The following ZNF3 variants were observed in gnomAD, a reference collection of about 807,000 sequenced individuals.
The protein encoded by ZNF3 is C2-H2 type zinc finger protein.
In ZNF3, 16 loss-of-function variants were observed where a neutral mutation model predicts 36.9. The ratio of observed to expected loss-of-function variants is 0.43; its 90% CI spans 0.29 to 0.66. ZNF3 has a LOEUF of 0.66. Ranked by LOEUF, ZNF3 falls within the 30% of genes least tolerant of loss-of-function variation. ZNF3 has a pLI of 0.13. For missense variants in ZNF3, 462 were observed against 543.1 expected (o/e 0.85, Z 1.48); for synonymous variants, 201 against 201.9 (o/e 1.00, Z 0.04).
At chr7:100,068,660 A>G (rs1231200111), downstream of ZNF3, among the ~76,000 whole-genome samples, 1 of 151,668 alleles carries the variant, frequency 6.6e-6, no homozygotes, top group Non-Finnish European at 1.5e-5. Context: ...ATGGCAATCT[A>G]TAAAGTAATT....
exon 6 of ZNF3, chr7:100,064,710 GAT>G: frequency 6.2e-7 from 1 of 1,608,834 alleles, no homozygotes; most frequent in Non-Finnish European, 8.5e-7. Context: ...CGATTCCGGT[GAT>G]AGAGTTTGTA....
chr7:100,067,736 G>A (rs1312492140), downstream of ZNF3, among the ~76,000 whole-genome samples: 1 of 152,152 alleles, frequency 6.6e-6, no homozygotes, highest in Non-Finnish European at 1.5e-5. Flanking sequence ...AAAAGAGCCA[G>A]GCAACGCTGA....
chr7:100,075,746 C>CT (rs1793998234), intron 3 of ZNF3, 116 bp from the exon 4 acceptor site: 1 of 898,114 alleles, frequency 1.1e-6, no homozygotes. Context: ...AGGACCCTCT[C>CT]TCTCACATTT....
In ZNF3 at chr7:100,075,527, G is replaced by T; in HGVS notation, c.144+15C>A. ...GAAAATGGAAAGGAAAAGGATAAAC[G>T]GAACCACAGCTCACCTGGGACTTGG... On this transcript the variant is annotated intron_variant, in intron 4 of 5. Transcript: ENST00000299667. The T allele has an allele frequency of 6.2e-7, 1 of 1,613,856 alleles. No individual in the cohort carries two copies. The highest frequency in any genetic ancestry group is 8.5e-7 in the Non-Finnish European group (1 of 1,179,820).
At chr7:100,076,454 G>T (rs570753879) in intron 3 of ZNF3, among the ~76,000 whole-genome samples, 1 of 151,790 alleles carries the variant, frequency 6.6e-6, no homozygotes, top group Non-Finnish European at 1.5e-5. Context: ...CACCATGCCC[G>T]GCTAATTTTT....
rs1793047857 is a variant in ZNF3 at position 100,071,045 on chromosome 7, G to A, written c.*98C>T. 8.7e-6 allele frequency: 13 copies of A among 1,498,874 alleles called. No homozygotes were observed. Among genetic ancestry groups the A allele is most frequent in the Non-Finnish European group, 1.2e-5 (13 of 1,126,400 alleles). The allele number at this position is 1,498,874 out of a possible 1,614,324, so 92.8% of individuals were successfully genotyped here. The stretch of plus-strand genomic sequence containing the variant: ...CCCCATTCTCTAAAATGAAAAGTCT[G>A]AGTTGAAAGGGACACATCCTAAGCT... On this transcript the variant is annotated 3_prime_UTR_variant, in exon 6 of 6. Transcript: ENST00000299667.
In ZNF3 at chr7:100,079,661, G is replaced by A. The variant is rs928962258; in HGVS notation, c.-197-5C>T. On this transcript the variant is annotated splice_region_variant and splice_polypyrimidine_tract_variant and intron_variant, in intron 1 of 5. Transcript: ENST00000299667. The stretch of plus-strand genomic sequence containing the variant: ...TGACTTTTGTTGATGCCAATGCTGT[G>A]TGATTAAGGGGAAAAAAAGGAATTT... 2.0e-5 allele frequency: 3 copies of A among 152,244 alleles called. No homozygotes were observed. The highest frequency in any genetic ancestry group is 2.1e-4 in the South Asian group (1 of 4,814). The allele number at this position is 152,244 out of a possible 1,614,324, so 9.4% of individuals were successfully genotyped here. A position where few individuals can be genotyped will look rare whatever the true frequency, so the allele number is the denominator to read the frequency against.
chr7:100,069,918 G>T (rs930422496), downstream of ZNF3: 14 of 984,664 alleles, frequency 1.4e-5, no homozygotes, highest in Admixed American at 8.0e-4. Context: ...CAGCCAACAT[G>T]TCTTGTTTTA....
At chr7:100,068,068 G>A (rs962650030), downstream of ZNF3, among the ~76,000 whole-genome samples, 1 of 152,124 alleles carries the variant, frequency 6.6e-6, no homozygotes, top group African/African-American at 2.4e-5. Flanking sequence ...AGGCTTGGGA[G>A]AGCCATCAGG....
chr7:100,080,867 C>G (rs1794891693), intron 1 of ZNF3, among the ~76,000 whole-genome samples: 1 of 152,152 alleles, frequency 6.6e-6, no homozygotes, highest in Admixed American at 6.5e-5. Context: ...CCCGACTGTC[C>G]ATCAAACACG....
Position 100,071,948 on chromosome 7 carries a change from T to C in ZNF3, c.536A>G (p.Asn179Ser). The change falls in exon 6 of 6, where the codon AAC (asparagine) becomes AGC (serine). Residue 179 changes from asparagine to serine, a missense_variant. Transcript: ENST00000299667. ...ERSEKYNDFG[N>S]SFTVNSNLIS... ...AAGGTTGGAATTCACAGTGAAGCTG[T>C]TCCCAAAATCATTATATTTCTCGCT... 1 of 1,614,202 alleles carries C rather than the reference T, an allele frequency of 6.2e-7. No homozygotes were observed. Among genetic ancestry groups the C allele is most frequent in the South Asian group, 1.1e-5 (1 of 91,064 alleles).
intron 3 of ZNF3, among the ~76,000 whole-genome samples, chr7:100,076,289 A>G (rs1209102430): frequency 2.0e-5 from 3 of 151,384 alleles, no homozygotes; most frequent in African/African-American, 7.3e-5. Context: ...TTTTTCTGCA[A>G]TTCTTTTTTT....
chr7:100,073,244 A>T (rs1224435490), intron 5 of ZNF3, among the ~76,000 whole-genome samples: 1 of 152,224 alleles, frequency 6.6e-6, no homozygotes, highest in Non-Finnish European at 1.5e-5. Flanking sequence ...AATGAGAGTT[A>T]GGAAGACGTC....
chr7:100,064,664 G>GAA (rs1792547237), exon 6 of ZNF3: 2 of 1,602,566 alleles, frequency 1.2e-6, no homozygotes, highest in East Asian at 4.5e-5. Context: ...TTTAGAATCT[G>GAA]AAAACCAGAA....
chr7:100,075,932 T>G (rs1035955928), intron 3 of ZNF3, among the ~76,000 whole-genome samples: 2 of 152,170 alleles, frequency 1.3e-5, no homozygotes, highest in African/African-American at 4.8e-5. Context: ...CAGTCCTATC[T>G]TAGTGATTAC....
downstream of ZNF3, among the ~76,000 whole-genome samples, chr7:100,067,043 A>G (rs1792688266): frequency 6.6e-6 from 1 of 152,186 alleles, no homozygotes; most frequent in African/African-American, 2.4e-5. Context: ...ATCTCAAAAA[A>G]AAATCACCCT....
chr7:100,078,506 A>AG (rs1794486499), intron 2 of ZNF3, among the ~76,000 whole-genome samples: 1 of 151,458 alleles, frequency 6.6e-6, no homozygotes, highest in Non-Finnish European at 1.5e-5. Flanking sequence ...AAAAAAAAAA[A>AG]AAAAGAAAAA....
At chr7:100,076,145 CTTAG>C (rs1794071333) in intron 3 of ZNF3, among the ~76,000 whole-genome samples, 2 of 151,152 alleles carry the variant, frequency 1.3e-5, no homozygotes, top group African/African-American at 4.9e-5. Flanking sequence ...GCATGAAGTT[CTTAG>C]ACCAGAGAAA....
chr7:100,064,645 GT>G (rs1792545644), exon 6 of ZNF3: 2 of 1,603,196 alleles, frequency 1.2e-6, no homozygotes, highest in Admixed American at 1.7e-5. Context: ...TGTTGTCGTT[GT>G]TTTAAACTTT....
Sources: allele counts gnomAD v4.1 joint callset (sites outside exome capture counted in the v4.1 genomes callset), GRCh38; gene constraint gnomAD v4.1.1; transcripts MANE v1.5; gene names NCBI Gene and HGNC (gene_info 2026-07-23, HGNC 2026-07-21).